The following PRORP variants were observed in gnomAD, a reference collection of about 807,000 sequenced individuals.
The protein encoded by PRORP is protein only RNase P catalytic subunit.
PRORP carries 51 observed loss-of-function variants against 59.4 expected under a neutral mutation model. That is an observed-to-expected ratio of 0.86 (90% CI 0.69 to 1.08). The LOEUF (loss-of-function observed/expected upper bound fraction) is 1.08, where lower values mean the gene tolerates loss of function less well. PRORP is among the 50% of genes least tolerant of loss of function. The pLI is 0.00. For synonymous variants in PRORP, 231 were observed against 245.6 expected, an observed-to-expected ratio of 0.94 and a Z score of 0.55; for missense variants, 646 against 690.3, an observed-to-expected ratio of 0.94 and a Z score of 0.72.
At chr14:35,200,241 A>G (rs1232904731) in intron 5 of PRORP, among the ~76,000 whole-genome samples, 3 of 152,052 alleles carry the variant, frequency 2.0e-5, no homozygotes, top group Non-Finnish European at 4.4e-5. Context: ...TGCCCAGGCT[A>G]GAGTGCTGTG....
chr14:35,165,826 C>T (rs1029650750), intron 4 of PRORP, among the ~76,000 whole-genome samples: 2 of 152,000 alleles, frequency 1.3e-5, no homozygotes, highest in Non-Finnish European at 2.9e-5. Context: ...ATTACAGGCA[C>T]CTGCCACTAC....
intron 5 of PRORP, among the ~76,000 whole-genome samples, chr14:35,229,959 A>G (rs2138487892): frequency 6.6e-6 from 1 of 152,158 alleles, no homozygotes; most frequent in East Asian, 1.9e-4. Flanking sequence ...CTAGTTGATT[A>G]CATATATGAT....
intron 7 of PRORP, among the ~76,000 whole-genome samples, chr14:35,271,953 G>A (rs2138681600): frequency 6.6e-6 from 1 of 152,136 alleles, no homozygotes; most frequent in South Asian, 2.1e-4. Flanking sequence ...TTGAACCTGG[G>A]AGGCAAAGGT....
chr14:35,224,720 C>T (rs756790453), intron 5 of PRORP, among the ~76,000 whole-genome samples: 3 of 152,186 alleles, frequency 2.0e-5, no homozygotes, highest in Non-Finnish European at 2.9e-5. Flanking sequence ...CTTTGTCAGA[C>T]GTGTAACACT....
intron 4 of PRORP, among the ~76,000 whole-genome samples, chr14:35,180,115 G>A (rs531288411): frequency 1.4e-4 from 22 of 152,258 alleles, no homozygotes; most frequent in African/African-American, 5.1e-4. Context: ...AGGGGTACCC[G>A]GCCGTGTGAG....
At chr14:35,237,170 G>A (rs1405531110) in intron 5 of PRORP, among the ~76,000 whole-genome samples, 1 of 151,456 alleles carries the variant, frequency 6.6e-6, no homozygotes, top group Non-Finnish European at 1.5e-5. Context: ...ACAGCTCACT[G>A]CAGCCTTGAC....
intron 5 of PRORP, among the ~76,000 whole-genome samples, chr14:35,203,508 C>T (rs1040899829): frequency 6.6e-6 from 1 of 151,904 alleles, no homozygotes; most frequent in Non-Finnish European, 1.5e-5. Flanking sequence ...GCCTGCACGA[C>T]AGAGTGATAC....
chr14:35,186,516 A>T (rs957665144), intron 5 of PRORP, among the ~76,000 whole-genome samples: 3 of 151,764 alleles, frequency 2.0e-5, no homozygotes, highest in African/African-American at 7.3e-5. Flanking sequence ...ACCCATTAGC[A>T]CTAACTCCCA....
At chr14:35,127,173 C>T (rs1026137168) in intron 3 of PRORP, among the ~76,000 whole-genome samples, 4 of 151,892 alleles carry the variant, frequency 2.6e-5, no homozygotes, top group South Asian at 2.1e-4. Context: ...AGGCAGATCA[C>T]GAGGTCAGGA....
chr14:35,206,342 C>T (rs2049294600), intron 5 of PRORP, among the ~76,000 whole-genome samples: 1 of 152,156 alleles, frequency 6.6e-6, no homozygotes, highest in African/African-American at 2.4e-5. Context: ...CACTGTTATT[C>T]TGCTTCCTTC....
chr14:35,189,882 G>T (rs1253075921), intron 5 of PRORP, among the ~76,000 whole-genome samples: 1 of 152,032 alleles, frequency 6.6e-6, no homozygotes, highest in Non-Finnish European at 1.5e-5. Context: ...AGGCTGTGGC[G>T]GGTGGATCAA....
At chr14:35,229,472 A>G (rs1053327308) in intron 5 of PRORP, among the ~76,000 whole-genome samples, 2 of 152,156 alleles carry the variant, frequency 1.3e-5, no homozygotes, top group Admixed American at 6.5e-5. Context: ...ATTTTTGTAT[A>G]TGGTGAAAGG....
chr14:35,164,063 G>A (rs543952819), intron 4 of PRORP, among the ~76,000 whole-genome samples: 2 of 152,218 alleles, frequency 1.3e-5, no homozygotes, highest in East Asian at 3.9e-4. Flanking sequence ...TGGCCTTGTC[G>A]AAAATCAGTT....
chr14:35,266,356 T>C (rs1381853928), intron 5 of PRORP, among the ~76,000 whole-genome samples: 3 of 149,952 alleles, frequency 2.0e-5, no homozygotes, highest in African/African-American at 4.9e-5. Context: ...GTGGTGCACG[T>C]CTGTGGTCCC....
chr14:35,260,516 C>T (rs1044214466), intron 5 of PRORP, among the ~76,000 whole-genome samples: 2 of 152,282 alleles, frequency 1.3e-5, no homozygotes, highest in East Asian at 3.9e-4. Flanking sequence ...TTCTGTTTTA[C>T]CTAAACAGTA....
At chr14:35,199,029 C>G (rs1002645836) in intron 5 of PRORP, among the ~76,000 whole-genome samples, 3 of 152,090 alleles carry the variant, frequency 2.0e-5, no homozygotes, top group Non-Finnish European at 4.4e-5. Flanking sequence ...TTAGCTAGGC[C>G]TGGTGGCGGG....
rs189219721 is a variant in PRORP, at chr14:35,276,580, G to C, written c.*3014G>C. The C allele has an allele frequency of 1.3e-5, 2 of 151,852 alleles. No homozygotes were observed. The highest frequency in any genetic ancestry group is 2.9e-5 in the Non-Finnish European group (2 of 68,024). The allele number at this position is 151,852 out of a possible 1,614,324, so 9.4% of individuals were successfully genotyped here. On this transcript the variant is annotated 3_prime_UTR_variant, in exon 8 of 8. Coordinates refer to ENST00000534898, the MANE Select transcript of PRORP (RefSeq NM_014672.4). ...TGAGGAGTGCAGGGATTCCCTGAAG[G>C]AAGCAGCTGGTACCAGACACTTAGG...
intron 5 of PRORP, among the ~76,000 whole-genome samples, chr14:35,221,666 G>T (rs2049787838): frequency 6.6e-6 from 1 of 152,092 alleles, no homozygotes; most frequent in Admixed American, 6.6e-5. Context: ...GCATAAATGT[G>T]GTTAGAGACA....
intron 5 of PRORP, among the ~76,000 whole-genome samples, chr14:35,191,259 C>A (rs1247563185): frequency 6.6e-6 from 1 of 152,072 alleles, no homozygotes; most frequent in East Asian, 1.9e-4. Context: ...AAGAGGTTTC[C>A]CCTTTCACTT....
Sources: gnomAD v4.1 joint callset for allele counts (sites outside exome capture counted in the v4.1 genomes callset) on GRCh38, gnomAD v4.1.1 for gene constraint, MANE v1.5 for transcripts, NCBI Gene and HGNC (gene_info 2026-07-23, HGNC 2026-07-21) for gene names.